Variants in SAMTOR observed in about 807,000 individuals in gnomAD.
SAMTOR encodes UPF0532 protein C7orf60.
At chr7:112,878,380 G>T in the SAMTOR span, among the ~76,000 whole-genome samples, 2 of 152,182 alleles carry the variant, frequency 1.3e-5, no homozygotes, top group Admixed American at 6.5e-5. Context: ...GTTTTAGTAT[G>T]AATATAAAAA....
At chr7:112,835,360 T>C in the SAMTOR span, among the ~76,000 whole-genome samples, 2 of 152,162 alleles carry the variant, frequency 1.3e-5, no homozygotes, top group East Asian at 1.9e-4. Flanking sequence ...AATATGTTGG[T>C]AGATAGAAGT....
chr7:112,922,576 G>A, the SAMTOR span, among the ~76,000 whole-genome samples: 1,602 of 149,644 alleles, frequency 0.011, 27 homozygotes, highest in African/African-American at 0.036. Flanking sequence ...GCCGCCCATC[G>A]TCTGAGATGT....
chr7:112,916,460 G>A, the SAMTOR span, among the ~76,000 whole-genome samples: 1 of 152,166 alleles, frequency 6.6e-6, no homozygotes, highest in African/African-American at 2.4e-5. Context: ...GAGGGGGTTG[G>A]AGCCAAGATG....
the SAMTOR span, among the ~76,000 whole-genome samples, chr7:112,842,219 G>A: frequency 4.9e-4 from 74 of 152,082 alleles, no homozygotes; most frequent in East Asian, 0.014. Flanking sequence ...ATAAATACAA[G>A]GTTTAAAGTT....
the SAMTOR span, among the ~76,000 whole-genome samples, chr7:112,825,165 G>A: frequency 6.6e-6 from 1 of 152,016 alleles, no homozygotes; most frequent in African/African-American, 2.4e-5. Context: ...GGGACCACAG[G>A]CGAGTGCCAC....
At chr7:112,916,017 T>A in the SAMTOR span, among the ~76,000 whole-genome samples, 1 of 152,202 alleles carries the variant, frequency 6.6e-6, no homozygotes, top group Non-Finnish European at 1.5e-5. Context: ...AAGTAAATAT[T>A]TCTATTTACA....
the SAMTOR span, among the ~76,000 whole-genome samples, chr7:112,853,665 C>G: frequency 3.3e-5 from 5 of 152,066 alleles, no homozygotes; most frequent in African/African-American, 4.8e-5. Context: ...TCAAAGTGCT[C>G]TCTACAGAGC....
the SAMTOR span, among the ~76,000 whole-genome samples, chr7:112,909,810 AT>A: frequency 2.0e-5 from 3 of 151,706 alleles, no homozygotes; most frequent in Admixed American, 1.3e-4. Flanking sequence ...ATCTTATAAT[AT>A]TAAACTGGAG....
the SAMTOR span, among the ~76,000 whole-genome samples, chr7:112,855,805 G>A: frequency 2.6e-5 from 4 of 151,602 alleles, no homozygotes; most frequent in Admixed American, 1.3e-4. Context: ...AAATCATTTC[G>A]GCAGTACCTA....
the SAMTOR span, among the ~76,000 whole-genome samples, chr7:112,843,347 G>A: frequency 5.3e-5 from 8 of 152,036 alleles, no homozygotes; most frequent in African/African-American, 1.9e-4. Flanking sequence ...ATTAAATAAT[G>A]AGGATTCAGC....
At chr7:112,825,889 G>A in the SAMTOR span, among the ~76,000 whole-genome samples, 7 of 149,450 alleles carry the variant, frequency 4.7e-5, no homozygotes, top group Non-Finnish European at 8.9e-5. Flanking sequence ...AAGTCCAGAT[G>A]TTGAATTTTG....
At chr7:112,850,341 A>G in the SAMTOR span, among the ~76,000 whole-genome samples, 1 of 152,198 alleles carries the variant, frequency 6.6e-6, no homozygotes, top group Non-Finnish European at 1.5e-5. Context: ...TATGTTCACC[A>G]TGGATACTGG....
the SAMTOR span, chr7:112,819,150 T>C: frequency 6.6e-6 from 1 of 152,578 alleles, no homozygotes; most frequent in Non-Finnish European, 1.5e-5. Context: ...CAAAGAATAC[T>C]AGAAAATTTA....
the SAMTOR span, among the ~76,000 whole-genome samples, chr7:112,849,293 T>C: frequency 6.6e-6 from 1 of 152,262 alleles, no homozygotes; most frequent in African/African-American, 2.4e-5. Flanking sequence ...ACAATGTAAT[T>C]TCCCTTCACA....
At chr7:112,836,707 C>T in the SAMTOR span, among the ~76,000 whole-genome samples, 60 of 149,862 alleles carry the variant, frequency 4.0e-4, no homozygotes, top group Non-Finnish European at 6.9e-4. Flanking sequence ...CAGCAAATAG[C>T]GAGTCCTGTC....
chr7:112,902,436 AAACAAAAAAAAAC>A, the SAMTOR span, among the ~76,000 whole-genome samples: 57 of 109,884 alleles, frequency 5.2e-4, 9 homozygotes, highest in South Asian at 0.012. Flanking sequence ...AAACAAAAAA[AAACAAAAAAAAAC>A]AAAAAAAAAA....
chr7:112,844,021 C>A, the SAMTOR span, among the ~76,000 whole-genome samples: 1 of 151,988 alleles, frequency 6.6e-6, no homozygotes, highest in Non-Finnish European at 1.5e-5. Flanking sequence ...GAACTAAAGA[C>A]AAAAACCACA....
At chr7:112,858,229 A>C in the SAMTOR span, among the ~76,000 whole-genome samples, 1 of 152,070 alleles carries the variant, frequency 6.6e-6, no homozygotes, top group East Asian at 1.9e-4. Context: ...AAGAACTATG[A>C]AACATTCATA....
At chr7:112,886,170 G>A in the SAMTOR span, among the ~76,000 whole-genome samples, 1 of 152,062 alleles carries the variant, frequency 6.6e-6, no homozygotes, top group Non-Finnish European at 1.5e-5. Context: ...CCTCCCACCA[G>A]GTCCCTTCTA....
Sources: gnomAD v4.1 joint callset for allele counts (sites outside exome capture counted in the v4.1 genomes callset) on GRCh38, gnomAD v4.1.1 for gene constraint, MANE v1.5 for transcripts, NCBI Gene and HGNC (gene_info 2026-07-23, HGNC 2026-07-21) for gene names.